STK32B: variants seen among roughly 807,000 people sequenced by gnomAD.
STK32B encodes the protein serine/threonine-protein kinase 32B.
STK32B carries 43 observed loss-of-function variants against 52.6 expected under a neutral mutation model. The ratio of observed to expected loss-of-function variants is 0.82; its 90% CI spans 0.64 to 1.05. STK32B has a LOEUF of 1.05. STK32B is among the 50% of genes least tolerant of loss of function. The pLI, the probability that STK32B is intolerant of heterozygous loss-of-function variation, is 0.00. For missense variants in STK32B, 621 were observed against 534.6 expected, an observed-to-expected ratio of 1.16 and a Z score of -1.59; for synonymous variants, 238 against 204.3, an observed-to-expected ratio of 1.17 and a Z score of -1.41.
intron 6 of STK32B, among the ~76,000 whole-genome samples, chr4:5,426,692 CAAAAAAAAAAAAA>C (rs746246839): frequency 2.6e-5 from 2 of 78,032 alleles, no homozygotes; most frequent in Admixed American, 1.9e-4. Flanking sequence ...TCCATCTAAA[CAAAAAAAAAAAAA>C]AAAAAAAAAG....
intron 4 of STK32B, among the ~76,000 whole-genome samples, chr4:5,345,980 C>A (rs769957963): frequency 3.3e-5 from 5 of 152,192 alleles, no homozygotes; most frequent in Non-Finnish European, 7.3e-5. Flanking sequence ...TTTGCATGAA[C>A]TGATGGGAAT....
In STK32B at chr4:5,175,812, ACT is replaced by A. The variant is rs1295714849; in HGVS notation, c.260+7363_260+7364del. On this transcript the variant is annotated intron_variant, in intron 3 of 11. Coordinates refer to ENST00000282908, the MANE Select transcript of STK32B (RefSeq NM_018401.3). ...TCTCCAGCTGCATGCTGGGAGAACC[ACT>A]ACTCTGTTCAAAGCTGTCAGACAGG... Among the ~76,000 whole-genome samples, 7 of 152,290 alleles carry A rather than the reference ACT, an allele frequency of 4.6e-5. No individual in the cohort carries two copies. The East Asian group carries it at 1.2e-3, about 25-fold the overall frequency.
intron 3 of STK32B, among the ~76,000 whole-genome samples, chr4:5,180,577 C>T (rs1343332900): frequency 1.3e-5 from 2 of 152,118 alleles, no homozygotes; most frequent in African/African-American, 4.8e-5. Flanking sequence ...GGATCTCTTC[C>T]AGCTGTGCTT....
At chr4:5,026,526 A>G in the STK32B span, among the ~76,000 whole-genome samples, 5 of 152,206 alleles carry the variant, frequency 3.3e-5, no homozygotes, top group African/African-American at 9.6e-5. Flanking sequence ...GAACTCACTC[A>G]CCATCATGAG....
chr4:5,090,803 T>A (rs1713038642), intron 1 of STK32B, among the ~76,000 whole-genome samples: 1 of 152,200 alleles, frequency 6.6e-6, no homozygotes, highest in South Asian at 2.1e-4. Flanking sequence ...TTTGTCCAGT[T>A]TGTGGAAGAT....
chr4:5,118,283 G>C (rs986441301), intron 1 of STK32B, among the ~76,000 whole-genome samples: 2 of 152,124 alleles, frequency 1.3e-5, no homozygotes, highest in African/African-American at 4.8e-5. Context: ...CTCAGTCTTG[G>C]TAGGTAGTGT....
chr4:5,427,990 A>G (rs1348485359), intron 6 of STK32B, among the ~76,000 whole-genome samples: 1 of 151,736 alleles, frequency 6.6e-6, no homozygotes, highest in Non-Finnish European at 1.5e-5. Context: ...GTGGAAGTTT[A>G]GGTAATTTGA....
At chr4:5,045,448 A>G in the STK32B span, among the ~76,000 whole-genome samples, 1 of 152,230 alleles carries the variant, frequency 6.6e-6, no homozygotes, top group Non-Finnish European at 1.5e-5. Context: ...CACTCTGCTT[A>G]AAAGTCCAGA....
At chr4:5,087,617 C>T (rs1712807851) in intron 1 of STK32B, among the ~76,000 whole-genome samples, 1 of 150,972 alleles carries the variant, frequency 6.6e-6, no homozygotes, top group South Asian at 2.1e-4. Flanking sequence ...ATATTCCATG[C>T]AATAATAAAC....
intron 2 of STK32B, among the ~76,000 whole-genome samples, chr4:5,144,788 C>CATTCATTCATT (rs869178092): frequency 0.095 from 2,790 of 29,340 alleles, 79 homozygotes; most frequent in African/African-American, 0.17. Flanking sequence ...ATTCACTCAT[C>CATTCATTCATT]CATCCATCCA....
At chr4:5,171,364 A>G (rs1719357574) in intron 3 of STK32B, among the ~76,000 whole-genome samples, 1 of 151,718 alleles carries the variant, frequency 6.6e-6, no homozygotes, top group African/African-American at 2.4e-5. Flanking sequence ...TTGGTGTTTT[A>G]GACATGAAGT....
chr4:5,337,422 T>G (rs531013789), intron 4 of STK32B, among the ~76,000 whole-genome samples: 1 of 152,168 alleles, frequency 6.6e-6, no homozygotes, highest in South Asian at 2.1e-4. Flanking sequence ...ACTAGGAAAA[T>G]GAGATGGACT....
At chr4:5,334,046 G>C (rs1732459466) in intron 4 of STK32B, among the ~76,000 whole-genome samples, 1 of 152,126 alleles carries the variant, frequency 6.6e-6, no homozygotes, top group South Asian at 2.1e-4. Context: ...GGATGGCATA[G>C]AATCTATAAA....
In STK32B at chr4:5,288,494, G is replaced by C. The variant is rs532552495; in HGVS notation, c.261-42726G>C. On this transcript the variant is annotated intron_variant, in intron 3 of 11. Coordinates refer to ENST00000282908, the MANE Select transcript of STK32B (RefSeq NM_018401.3). ...AATGTCCCTGATGATTAATGATGTT[G>C]AACATCTTTTCATGGGTTTTTTGGT... 2.0e-5 allele frequency among the ~76,000 whole-genome samples: 3 copies of C among 152,156 alleles called. No individual in the cohort carries two copies. The South Asian group carries it at 6.2e-4, about 32-fold the overall frequency.
At chr4:5,103,175 T>C (rs567760814) in intron 1 of STK32B, among the ~76,000 whole-genome samples, 13 of 151,878 alleles carry the variant, frequency 8.6e-5, no homozygotes, top group Admixed American at 8.5e-4. Flanking sequence ...TAAAAGATTT[T>C]AAAGAATGAA....
chr4:5,176,280 T>TCACG (rs1483603414), intron 3 of STK32B, among the ~76,000 whole-genome samples: 1 of 152,148 alleles, frequency 6.6e-6, no homozygotes, highest in Non-Finnish European at 1.5e-5. Context: ...CTGCTTTGGT[T>TCACG]CACGCATGGT....
Position 5,460,149 on chromosome 4 carries a change from T to C in STK32B, c.830T>C (p.Ile277Thr). 1 of 1,614,154 alleles carries C rather than the reference T, an allele frequency of 6.2e-7. No individual in the cohort carries two copies. Among genetic ancestry groups the C allele is most frequent in the Non-Finnish European group, 8.5e-7 (1 of 1,180,030 alleles). Residue 277 changes from isoleucine to threonine, a missense_variant, in exon 9 of 12, where the codon ATA becomes ACA. Transcript: ENST00000282908. This position sits in a 1 kb window ranked among gnomAD's most constrained non-coding sequence, Gnocchi z 4.8. ...AGCCGCGTGTCCAGCCTTCATGACA[T>C]ACAGAGCGTGCCCTACTTGGCCGAC... ...PESRVSSLHDIQSVPYLADMN... is the reference protein window; with the variant it reads ...PESRVSSLHDTQSVPYLADMN...
At chr4:5,156,750 G>A (rs1055022335) in intron 2 of STK32B, among the ~76,000 whole-genome samples, 3 of 152,138 alleles carry the variant, frequency 2.0e-5, no homozygotes, top group Admixed American at 6.5e-5. Flanking sequence ...GAGGCAGTCT[G>A]CACATAAAAT....
the STK32B span, among the ~76,000 whole-genome samples, chr4:5,031,589 CA>C: frequency 2.7e-4 from 37 of 139,594 alleles, no homozygotes; most frequent in East Asian, 6.2e-4. Flanking sequence ...ACTCTGTCTC[CA>C]AAAAAAAAAA....
Sources: allele counts gnomAD v4.1 joint callset (sites outside exome capture counted in the v4.1 genomes callset), GRCh38; gene constraint gnomAD v4.1.1; non-coding constraint Gnocchi (gnomAD v3.1); transcripts MANE v1.5; gene names NCBI Gene and HGNC (gene_info 2026-07-23, HGNC 2026-07-21).